The following BMPR1B variants were observed in gnomAD, a reference collection of about 807,000 sequenced individuals.
The protein encoded by BMPR1B is bone morphogenetic protein receptor type 1B, also known as bone morphogenetic protein receptor type-1B.
BMPR1B carries 12 observed loss-of-function variants against 59.1 expected under a neutral mutation model. The observed-to-expected ratio is 0.20, with a 90% CI of 0.13 to 0.33. The LOEUF is 0.33. Ranked by LOEUF, BMPR1B falls within the 10% of genes least tolerant of loss-of-function variation. The pLI, the probability that BMPR1B is intolerant of heterozygous loss-of-function variation, is 1.00. For synonymous variants in BMPR1B, 237 were observed against 207.3 expected, an observed-to-expected ratio of 1.14 and a Z score of -1.23; for missense variants, 550 against 610.9, an observed-to-expected ratio of 0.90 and a Z score of 1.05.
intron 3 of BMPR1B, among the ~76,000 whole-genome samples, chr4:95,021,705 A>G (rs550904900): frequency 2.6e-5 from 4 of 152,364 alleles, no homozygotes; most frequent in Non-Finnish European, 4.4e-5. Context: ...AAATATGCAT[A>G]TATTTATAAG....
intron 2 of BMPR1B, among the ~76,000 whole-genome samples, chr4:94,968,808 C>A (rs1730659940): frequency 6.6e-6 from 1 of 151,962 alleles, no homozygotes; most frequent in African/African-American, 2.4e-5. Context: ...GGAATGTGGT[C>A]TTTTTGTATA....
intron 2 of BMPR1B, among the ~76,000 whole-genome samples, chr4:94,880,669 C>G (rs1472025087): frequency 3.2e-5 from 4 of 123,664 alleles, no homozygotes; most frequent in African/African-American, 1.3e-4. Context: ...GACAGAGTTT[C>G]ACTCTGTCAC....
At chr4:95,089,357 T>C (rs181160206) in intron 3 of BMPR1B, among the ~76,000 whole-genome samples, 8 of 152,202 alleles carry the variant, frequency 5.3e-5, no homozygotes, top group Admixed American at 2.6e-4. Flanking sequence ...AGAGCCCATA[T>C]TGACAGTTAT....
At chr4:94,812,811 G>A (rs958402248) in intron 1 of BMPR1B, among the ~76,000 whole-genome samples, 1 of 152,034 alleles carries the variant, frequency 6.6e-6, no homozygotes, top group Non-Finnish European at 1.5e-5. Context: ...GAAATTGAAA[G>A]GATAACAGCG....
intron 4 of BMPR1B, among the ~76,000 whole-genome samples, chr4:95,109,186 T>C (rs1423213577): frequency 1.3e-5 from 2 of 152,166 alleles, no homozygotes; most frequent in Admixed American, 1.3e-4. Flanking sequence ...AGACAATCTT[T>C]AATACTTCTT....
At chr4:94,775,871 C>G (rs1210378757) in intron 1 of BMPR1B, among the ~76,000 whole-genome samples, 1 of 152,122 alleles carries the variant, frequency 6.6e-6, no homozygotes, top group Non-Finnish European at 1.5e-5. Context: ...GCGGGCAGAT[C>G]GTGAGGACAG....
At chr4:94,781,357 T>A (rs141708937) in intron 1 of BMPR1B, among the ~76,000 whole-genome samples, 34 of 152,328 alleles carry the variant, frequency 2.2e-4, no homozygotes, top group Admixed American at 4.6e-4. Context: ...CTATTTTTTC[T>A]TTTGTTTTTA....
intron 1 of BMPR1B, among the ~76,000 whole-genome samples, chr4:94,825,613 GA>G (rs1446526711): frequency 6.6e-6 from 1 of 152,094 alleles, no homozygotes; most frequent in Non-Finnish European, 1.5e-5. Flanking sequence ...TCATTGGCAA[GA>G]ATTGGGACCC....
intron 1 of BMPR1B, among the ~76,000 whole-genome samples, chr4:94,861,500 T>A (rs1383504782): frequency 6.6e-6 from 1 of 152,188 alleles, no homozygotes; most frequent in East Asian, 1.9e-4. Flanking sequence ...CTAGAATACC[T>A]GTGCTCAGAC....
intron 1 of BMPR1B, among the ~76,000 whole-genome samples, chr4:94,831,617 C>T (rs901141266): frequency 6.6e-6 from 1 of 152,156 alleles, no homozygotes; most frequent in Non-Finnish European, 1.5e-5. Flanking sequence ...TTTATTTTTA[C>T]TGTACCTTTT....
intron 3 of BMPR1B, among the ~76,000 whole-genome samples, chr4:95,026,102 C>CTTTCT (rs1724351148): frequency 8.3e-6 from 1 of 120,444 alleles, no homozygotes; most frequent in South Asian, 3.0e-4. Context: ...TCTTTCATTT[C>CTTTCT]TTTCTTTCTT....
chr4:95,028,020 A>T (rs556447064), intron 3 of BMPR1B, among the ~76,000 whole-genome samples: 37 of 152,142 alleles, frequency 2.4e-4, no homozygotes, highest in Non-Finnish European at 4.6e-4. Context: ...AAAAGCACTT[A>T]TCCCAGGAGG....
At chr4:95,031,790 G>A (rs1164748561) in intron 3 of BMPR1B, among the ~76,000 whole-genome samples, 1 of 152,002 alleles carries the variant, frequency 6.6e-6, no homozygotes, top group Non-Finnish European at 1.5e-5. Context: ...GACTGGACAG[G>A]GTGGCTCACT....
intron 1 of BMPR1B, among the ~76,000 whole-genome samples, chr4:94,796,146 C>T (rs1723184589): frequency 1.3e-5 from 2 of 151,414 alleles, no homozygotes; most frequent in South Asian, 2.1e-4. Context: ...TGTATTTTCA[C>T]TAGAGATGGG....
intron 10 of BMPR1B, among the ~76,000 whole-genome samples, chr4:95,133,104 C>T (rs1733495745): frequency 6.6e-6 from 1 of 152,172 alleles, no homozygotes; most frequent in Non-Finnish European, 1.5e-5. Context: ...CGTTCCCTAA[C>T]TTTTGGTTTG....
At chr4:94,793,079 C>A (rs562817308) in intron 1 of BMPR1B, among the ~76,000 whole-genome samples, 41 of 151,888 alleles carry the variant, frequency 2.7e-4, no homozygotes, top group Non-Finnish European at 4.4e-4. Context: ...AGGTTAGTTA[C>A]ATATGTATAC....
chr4:95,115,892 G>A, intron 6 of BMPR1B, 105 bp downstream of exon 6: 1 of 1,045,914 alleles, frequency 9.6e-7, no homozygotes, highest in Non-Finnish European at 1.5e-6. Flanking sequence ...ACTTTCCACT[G>A]CTGGAGCAGA....
At position 94,788,486 on chromosome 4, in the gene BMPR1B, A is replaced by G. The variant is rs189345682; in HGVS notation, c.-183+30418A>G. Among the ~76,000 whole-genome samples the G allele has an allele frequency of 1.5e-3, 223 of 152,286 alleles. 2 individuals are homozygous for G. The highest frequency in any genetic ancestry group is 7.9e-4 in the Non-Finnish European group (54 of 68,034). On this transcript the variant is annotated intron_variant, in intron 1 of 12. Transcript: ENST00000515059. ...CTATAGGCCCAAGCCTTTTGGGAAT[A>G]AAAGTCTGGGTCACCCCATAAGGCA...
intron 1 of BMPR1B, among the ~76,000 whole-genome samples, chr4:94,789,914 C>T (rs944925604): frequency 6.6e-6 from 1 of 152,086 alleles, no homozygotes; most frequent in Non-Finnish European, 1.5e-5. Flanking sequence ...AGGATTTGCT[C>T]CTCTACCTCC....
Sources: allele counts gnomAD v4.1 joint callset (sites outside exome capture counted in the v4.1 genomes callset), GRCh38; gene constraint gnomAD v4.1.1; transcripts MANE v1.5; gene names NCBI Gene and HGNC (gene_info 2026-07-23, HGNC 2026-07-21).